BEND7: variants seen among roughly 807,000 people sequenced by gnomAD.
BEND7 encodes the protein BEN domain containing 7, also known as BEN domain-containing protein 7.
In BEND7, 28 loss-of-function variants were observed where a neutral mutation model predicts 50.9. The observed-to-expected ratio is 0.55, with a 90% CI of 0.41 to 0.75. The LOEUF is 0.75. Among genes scored for constraint, BEND7 ranks in the 30% least tolerant of loss-of-function variants. BEND7 has a pLI of 0.00. For missense variants in BEND7, 477 were observed against 491.3 expected (o/e 0.97, Z 0.28); for synonymous variants, 170 against 183.9 (o/e 0.92, Z 0.61).
chr10:13,440,986 G>C (rs191403507), downstream of BEND7: 619 of 574,430 alleles, frequency 1.1e-3, 2 homozygotes, highest in Non-Finnish European at 1.3e-3. Flanking sequence ...ACTTCTGTGG[G>C]AGATCATCAG....
rs1002277546 is a variant in BEND7 at position 13,524,018 on chromosome 10, T to C, written c.145+2120A>G. ...TATCTATCTCAAGCCTGGTCCTTCA[T>C]TGGAATTCTTGCATCTTCCTCAACT... is the stretch of plus-strand genomic sequence containing the variant. On this transcript the variant is annotated intron_variant, in intron 2 of 8. Coordinates refer to ENST00000466271, the MANE Select transcript of BEND7 (RefSeq NM_001369863.1). Among the ~76,000 whole-genome samples, 6 of 152,206 alleles carry C rather than the reference T, an allele frequency of 3.9e-5. 1 individual carries two copies. Among genetic ancestry groups the C allele is most frequent in the Admixed American group, 2.6e-4 (4 of 15,280 alleles).
At chr10:13,502,297 A>G (rs1212184389) in intron 2 of BEND7, among the ~76,000 whole-genome samples, 1 of 152,228 alleles carries the variant, frequency 6.6e-6, no homozygotes, top group Non-Finnish European at 1.5e-5. Context: ...TACAGAATAT[A>G]TTAATTCTGT....
At chr10:13,457,007 T>C (rs1839119449) in intron 6 of BEND7, among the ~76,000 whole-genome samples, 1 of 152,236 alleles carries the variant, frequency 6.6e-6, no homozygotes, top group Non-Finnish European at 1.5e-5. Flanking sequence ...AATATTTCTA[T>C]TTAGCATCCT....
intron 2 of BEND7, among the ~76,000 whole-genome samples, chr10:13,502,487 G>C (rs1366405581): frequency 6.6e-6 from 1 of 152,090 alleles, no homozygotes; most frequent in African/African-American, 2.4e-5. Context: ...GATTTTATGA[G>C]AATGAACGAC....
At position 13,481,457 on chromosome 10, in the gene BEND7, ACAAAGGAACTAAGGCC is replaced by A. The variant is rs547201249; in HGVS notation, c.838-349_838-334del. 1.2e-3 allele frequency among the ~76,000 whole-genome samples: 178 copies of A among 152,300 alleles called. 5 individuals are homozygous for A. In the South Asian group the frequency reaches 0.03, roughly 26 times the overall value. On this transcript the variant is annotated intron_variant, in intron 5 of 8. Coordinates refer to ENST00000466271, the MANE Select transcript of BEND7 (RefSeq NM_001369863.1). ...TGGATGAAATATCCTCATTTTGTAA[ACAAAGGAACTAAGGCC>A]CAAAGAGATCATAAAAAAAAAGATT...
intron 6 of BEND7, among the ~76,000 whole-genome samples, chr10:13,458,658 G>C (rs939137565): frequency 3.3e-5 from 5 of 152,190 alleles, no homozygotes; most frequent in Non-Finnish European, 7.3e-5. Flanking sequence ...CTGAAAACTG[G>C]GTCCTCATTA....
At chr10:13,515,859 C>T (rs372399706) in intron 2 of BEND7, among the ~76,000 whole-genome samples, 17 of 152,316 alleles carry the variant, frequency 1.1e-4, no homozygotes, top group African/African-American at 4.1e-4. Flanking sequence ...CATGCTGTAG[C>T]TTACATTCAT....
At position 13,528,669 on chromosome 10, in the gene BEND7, G is replaced by A; in HGVS notation, c.-136C>T. 3.2e-6 allele frequency: 1 copy of A among 316,012 alleles called. No homozygotes were observed. The highest frequency in any genetic ancestry group is 4.5e-6 in the Non-Finnish European group (1 of 220,064). The allele number at this position is 316,012 out of a possible 1,614,324, so 19.6% of individuals were successfully genotyped here. The stretch of plus-strand genomic sequence containing the variant: ...GGGACCAAGGTCCGCGCCTGGAGTC[G>A]GCGAGGGGAGGCCGCGGGACGGGAG... On this transcript the variant is annotated 5_prime_UTR_variant, in exon 1 of 9. Transcript: ENST00000466271.
chr10:13,463,446 A>C lies in BEND7; in HGVS notation c.1064-10788T>G, dbSNP rs555742052. ...AAAGACGAAGGTAGATAAAAGACCA[A>C]ATGTAAACATGTGTGAGAGGAGCTC... On this transcript the variant is annotated intron_variant, in intron 6 of 8. Coordinates refer to ENST00000466271, the MANE Select transcript of BEND7 (RefSeq NM_001369863.1). 2.2e-3 allele frequency among the ~76,000 whole-genome samples: 337 copies of C among 152,326 alleles called. 2 individuals carry two copies. The highest frequency in any genetic ancestry group is 7.6e-3 in the African/African-American group (316 of 41,580).
intron 8 of BEND7, chr10:13,443,612 G>C (rs933478387): frequency 7.2e-5 from 11 of 152,250 alleles, no homozygotes; most frequent in African/African-American, 2.7e-4. Flanking sequence ...AATTTGTAAT[G>C]ATTTTTTATG....
intron 5 of BEND7, among the ~76,000 whole-genome samples, chr10:13,490,446 CG>C (rs2076568224): frequency 6.6e-6 from 1 of 152,178 alleles, no homozygotes; most frequent in South Asian, 2.1e-4. Flanking sequence ...GATGGGAATC[CG>C]GGGCTCACTT....
chr10:13,519,865 G>T (rs571520561), intron 2 of BEND7, among the ~76,000 whole-genome samples: 1 of 152,222 alleles, frequency 6.6e-6, no homozygotes, highest in African/African-American at 2.4e-5. Flanking sequence ...GGAATGGTAG[G>T]AGGCTAGGAT....
intron 2 of BEND7, among the ~76,000 whole-genome samples, chr10:13,518,301 G>A (rs1377933028): frequency 6.6e-6 from 1 of 152,222 alleles, no homozygotes; most frequent in African/African-American, 2.4e-5. Flanking sequence ...GCTGCAGGCT[G>A]CATGTCAGCC....
At chr10:13,438,936 T>C (rs1219290137), downstream of BEND7, 1 of 493,550 alleles carries the variant, frequency 2.0e-6, no homozygotes, top group African/African-American at 1.9e-5. Context: ...GAGTCACTTC[T>C]GGTAACTGGC....
Position 13,480,973 on chromosome 10 carries a change from G to C in BEND7, c.989C>G (p.Pro330Arg). 6.2e-7 allele frequency: 1 copy of C among 1,614,112 alleles called. No individual in the cohort carries two copies. The highest frequency in any genetic ancestry group is 1.1e-5 in the South Asian group (1 of 91,076). ...GAGTCCTCTTTTCCTCTTCCCATTG[G>C]GTAAGGAGTTAGCCAAAGTCTTGTC... ...FDDKTLANSLPNGKRKRGLND... is the reference protein window; with the variant it reads ...FDDKTLANSLRNGKRKRGLND... The change falls in exon 6 of 9, where the codon CCC becomes CGC. Residue 330 changes from proline to arginine, a missense_variant. By Grantham distance (103) the Pro-to-Arg change is moderately radical (BLOSUM62 -2). Transcript: ENST00000466271.
intron 2 of BEND7, among the ~76,000 whole-genome samples, chr10:13,513,371 T>A (rs2078424831): frequency 6.6e-6 from 1 of 152,178 alleles, no homozygotes; most frequent in Non-Finnish European, 1.5e-5. Context: ...ACCTCAGGGC[T>A]CCAGAGCCAT....
intron 8 of BEND7, chr10:13,442,758 T>G (rs1835524052): frequency 6.6e-6 from 1 of 152,206 alleles, no homozygotes; most frequent in African/African-American, 2.4e-5. Context: ...GCAACTTAGG[T>G]GAAAGGTTTT....
chr10:13,520,888 CAT>C (rs973586557), intron 2 of BEND7, among the ~76,000 whole-genome samples: 5 of 152,210 alleles, frequency 3.3e-5, no homozygotes, highest in African/African-American at 1.2e-4. Context: ...GCTACCGAAA[CAT>C]ATGTTTATGT....
downstream of BEND7, among the ~76,000 whole-genome samples, chr10:13,439,686 C>T (rs1440833106): frequency 2.0e-5 from 3 of 152,204 alleles, no homozygotes; most frequent in African/African-American, 7.2e-5. Context: ...CTTTCTCAGG[C>T]GTGGCTTTGT....
Sources: allele counts gnomAD v4.1 joint callset (sites outside exome capture counted in the v4.1 genomes callset), GRCh38; gene constraint gnomAD v4.1.1; transcripts MANE v1.5; gene names NCBI Gene and HGNC (gene_info 2026-07-23, HGNC 2026-07-21).